Variants in MIDEAS observed in about 807,000 individuals in gnomAD.
The protein encoded by MIDEAS is mitotic deacetylase associated SANT domain protein.
MIDEAS carries 26 observed loss-of-function variants against 102.7 expected under a neutral mutation model. That is an observed-to-expected ratio of 0.25 (90% CI 0.19 to 0.35). The LOEUF (loss-of-function observed/expected upper bound fraction) is 0.35, where lower values mean the gene tolerates loss of function less well. Ranked by LOEUF, MIDEAS falls within the 10% of genes least tolerant of loss-of-function variation. The pLI, the probability that MIDEAS is intolerant of heterozygous loss-of-function variation, is 1.00. For missense variants in MIDEAS, 1,231 were observed against 1,435.6 expected, an observed-to-expected ratio of 0.86 and a Z score of 2.30; for synonymous variants, 585 against 591.0, an observed-to-expected ratio of 0.99 and a Z score of 0.15.
In MIDEAS at chr14:73,715,852, A is replaced by T. The variant is rs1441621331; in HGVS notation, c.*2991T>A. 1.3e-5 allele frequency: 2 copies of T among 152,516 alleles called. No individual in the cohort carries two copies. The highest frequency in any genetic ancestry group is 3.8e-4 in the East Asian group (2 of 5,198). 9.4% of individuals were successfully genotyped at this position (152,516 alleles called of 1,614,324 possible). A position where few individuals can be genotyped will look rare whatever the true frequency, so the allele number is the denominator to read the frequency against. On this transcript the variant is annotated 3_prime_UTR_variant, in exon 13 of 13. Transcript: ENST00000423556. The stretch of plus-strand genomic sequence containing the variant: ...CAGAAGACCTTGGTGCCAGGGGTGG[A>T]GGCGCGGCAGAAGGGGTGGTATGTA...
chr14:73,748,891 T>C (rs908419368), intron 1 of MIDEAS, among the ~76,000 whole-genome samples: 11 of 152,122 alleles, frequency 7.2e-5, no homozygotes, highest in African/African-American at 2.7e-4. Flanking sequence ...GTTATAGACA[T>C]GCATGTACCT....
chr14:73,717,140 C>T lies in MIDEAS; in HGVS notation c.*1703G>A, dbSNP rs1693974937. The T allele has an allele frequency of 6.6e-6, 1 of 152,218 alleles. No individual in the cohort carries two copies. Among genetic ancestry groups the T allele is most frequent in the Non-Finnish European group, 1.5e-5 (1 of 68,044 alleles). 9.4% of individuals were successfully genotyped at this position (152,218 alleles called of 1,614,324 possible). A position where few individuals can be genotyped will look rare whatever the true frequency, so the allele number is the denominator to read the frequency against. ...CTGCATAGTTTCAAAACAAAACTCC[C>T]TCTCCACTCCCAGTTACTGACATGA... On this transcript the variant is annotated 3_prime_UTR_variant, in exon 13 of 13. Coordinates refer to ENST00000423556, the MANE Select transcript of MIDEAS (RefSeq NM_001367710.1).
chr14:73,721,922 G>C (rs746967241), intron 10 of MIDEAS, among the ~76,000 whole-genome samples: 5 of 152,130 alleles, frequency 3.3e-5, no homozygotes, highest in Non-Finnish European at 7.4e-5. Flanking sequence ...ACCACTCCCT[G>C]TCTTACCGTA....
rs1001346144 is a variant in MIDEAS, at chr14:73,742,602, G to A, written c.-247-2347C>T. The stretch of plus-strand genomic sequence containing the variant: ...CACATCAAGGAGGGCCATCATTCAG[G>A]ATACCACAGCAGCCTCTGAAGCTCA... On this transcript the variant is annotated intron_variant, in intron 1 of 12. Coordinates refer to ENST00000423556, the MANE Select transcript of MIDEAS (RefSeq NM_001367710.1). This position sits in a 1 kb window ranked among gnomAD's most constrained non-coding sequence, Gnocchi z 4.4. Among the ~76,000 whole-genome samples, 3 of 152,220 alleles carry A rather than the reference G, an allele frequency of 2.0e-5. No homozygotes were observed. Among genetic ancestry groups the A allele is most frequent in the African/African-American group, 7.2e-5 (3 of 41,460 alleles).
upstream of MIDEAS, among the ~76,000 whole-genome samples, chr14:73,765,280 A>G (rs1220635502): frequency 1.3e-5 from 2 of 152,230 alleles, no homozygotes; most frequent in Non-Finnish European, 2.9e-5. Flanking sequence ...CTAGAATCCA[A>G]CATTCATGCT....
chr14:73,745,344 T>C (rs1360295449), intron 1 of MIDEAS, among the ~76,000 whole-genome samples: 2 of 152,178 alleles, frequency 1.3e-5, no homozygotes, highest in Admixed American at 1.3e-4. Flanking sequence ...CCAGCTCCAC[T>C]GTTGCCCTCC....
In MIDEAS at chr14:73,721,564, GCA is replaced by G. The variant is rs2052993871; in HGVS notation, c.2725-57_2725-56del. ...CCTAGAGCTCTGTCTCACTGCTGTA[GCA>G]CAGATTCTGACCCGGCCGGGGGGTT... On this transcript the variant is annotated intron_variant, in intron 10 of 12. Coordinates refer to ENST00000423556, the MANE Select transcript of MIDEAS (RefSeq NM_001367710.1). The G allele has an allele frequency of 1.6e-5, 25 of 1,546,492 alleles. No individual in the cohort carries two copies. The South Asian group carries it at 2.6e-4, about 16-fold the overall frequency.
chr14:73,729,600 A>C, intron 4 of MIDEAS, 40 bp downstream of exon 4: 1 of 1,531,198 alleles, frequency 6.5e-7, no homozygotes, highest in Non-Finnish European at 8.9e-7. Flanking sequence ...CCAGTGCCCC[A>C]GCCCCGCTCC....
At chr14:73,783,815 C>T (rs906453298) in intron 1 of MIDEAS, among the ~76,000 whole-genome samples, 2 of 152,182 alleles carry the variant, frequency 1.3e-5, no homozygotes, top group Admixed American at 1.3e-4. Flanking sequence ...AACTGCCAGC[C>T]GTGGTGTCTG....
rs2140083468 is a variant in MIDEAS at position 73,715,237 on chromosome 14, T to C, written c.*3606A>G. Reference sequence around the variant, plus strand: ...TCAGCAAGATTCTTTAGTGTATTAATTTTTTTCTTATAAAAAGCACACAAA... The same window carrying C: ...TCAGCAAGATTCTTTAGTGTATTAACTTTTTTCTTATAAAAAGCACACAAA... On this transcript the variant is annotated 3_prime_UTR_variant, in exon 13 of 13. Transcript: ENST00000423556. 1 of 152,708 alleles carries C rather than the reference T, an allele frequency of 6.5e-6. No individual in the cohort carries two copies. The highest frequency in any genetic ancestry group is 2.1e-4 in the South Asian group (1 of 4,826). The allele number at this position is 152,708 out of a possible 1,614,324, so 9.5% of individuals were successfully genotyped here.
upstream of MIDEAS, among the ~76,000 whole-genome samples, chr14:73,761,038 G>A (rs2053549829): frequency 6.6e-6 from 1 of 152,102 alleles, no homozygotes; most frequent in South Asian, 2.1e-4. Flanking sequence ...GAAAGTTCAG[G>A]GGAGTGTGTC....
At chr14:73,776,890 G>C (rs966451321) in intron 1 of MIDEAS, among the ~76,000 whole-genome samples, 38 of 152,076 alleles carry the variant, frequency 2.5e-4, no homozygotes, top group African/African-American at 8.2e-4. Flanking sequence ...GGCCAAGACG[G>C]TGAAACCCCA....
At chr14:73,760,461 C>A (rs187602500), upstream of MIDEAS, among the ~76,000 whole-genome samples, 1 of 152,238 alleles carries the variant, frequency 6.6e-6, no homozygotes, top group African/African-American at 2.4e-5. This position sits in a 1 kb window ranked among gnomAD's most constrained non-coding sequence, Gnocchi z 4.8. Context: ...CCGTCCCCAT[C>A]CCCCGCCCAG....
At chr14:73,738,445 G>C (rs113229026) in intron 2 of MIDEAS, 115 bp downstream of exon 2, 1 of 1,288,930 alleles carries the variant, frequency 7.8e-7, no homozygotes, top group African/African-American at 1.5e-5. Flanking sequence ...TTTCCCACAG[G>C]CAGCTGGCTA....
At position 73,738,538 on chromosome 14, in the gene MIDEAS, C is replaced by A; in HGVS notation, c.1449+22G>T. The A allele has an allele frequency of 2.6e-6, 4 of 1,511,906 alleles. No individual in the cohort carries two copies. In the Admixed American group the frequency reaches 6.2e-5, roughly 23 times the overall value. 93.7% of individuals were successfully genotyped at this position (1,511,906 alleles called of 1,614,324 possible). On this transcript the variant is annotated intron_variant, in intron 2 of 12. Transcript: ENST00000423556. Reference sequence around the variant, plus strand: ...GCCTGATGCCCTCTGCCAGGTGTGGCTCCACTGCATGCCACTCTCACCTTT... The same window carrying A: ...GCCTGATGCCCTCTGCCAGGTGTGGATCCACTGCATGCCACTCTCACCTTT...
rs2053534443 is a variant in MIDEAS at position 73,759,681 on chromosome 14, C to T, written c.-248+82G>A. The T allele has an allele frequency of 6.6e-6, 1 of 151,020 alleles. No homozygotes were observed. Among genetic ancestry groups the T allele is most frequent in the Non-Finnish European group, 1.5e-5 (1 of 67,724 alleles). The allele number at this position is 151,020 out of a possible 1,614,324, so 9.4% of individuals were successfully genotyped here. On this transcript the variant is annotated intron_variant, in intron 1 of 12. Transcript: ENST00000423556. The surrounding 1 kb of genome is among the most constrained non-coding windows in gnomAD (Gnocchi z 6.7). Reference sequence around the variant, plus strand: ...AGCTGCAACCCGCCGTGCGAGCAGCCACAGCTCGCGCGCCGCCTGGGGTCC... The same window carrying T: ...AGCTGCAACCCGCCGTGCGAGCAGCTACAGCTCGCGCGCCGCCTGGGGTCC...
intron 3 of MIDEAS, among the ~76,000 whole-genome samples, chr14:73,730,636 C>G (rs1263085154): frequency 6.6e-6 from 1 of 151,964 alleles, no homozygotes; most frequent in Admixed American, 6.6e-5. Context: ...GCTCCTACTG[C>G]GTGCTAAGAC....
At chr14:73,768,154 GAA>G (rs1397818063) in intron 1 of MIDEAS, among the ~76,000 whole-genome samples, 1 of 152,140 alleles carries the variant, frequency 6.6e-6, no homozygotes, top group Non-Finnish European at 1.5e-5. Context: ...GTGACAGAGA[GAA>G]AGCCTGTCTC....
chr14:73,779,317 C>T (rs534686995), intron 1 of MIDEAS, among the ~76,000 whole-genome samples: 13 of 150,178 alleles, frequency 8.7e-5, no homozygotes, highest in African/African-American at 3.2e-4. Context: ...ATCACTTGAA[C>T]CCGGGAGACG....
Sources: gnomAD v4.1 joint callset for allele counts (sites outside exome capture counted in the v4.1 genomes callset) on GRCh38, gnomAD v4.1.1 for gene constraint, Gnocchi (gnomAD v3.1) non-coding constraint, MANE v1.5 for transcripts, NCBI Gene and HGNC (gene_info 2026-07-23, HGNC 2026-07-21) for gene names.